Variants in PCDHGA4 observed in about 807,000 individuals in gnomAD.
PCDHGA4 encodes protocadherin gamma subfamily A, 4.
PCDHGA4 carries 38 observed loss-of-function variants against 54.6 expected under a neutral mutation model. The observed-to-expected ratio is 0.70, with a 90% CI of 0.54 to 0.91. The LOEUF (loss-of-function observed/expected upper bound fraction) is 0.91, where lower values mean the gene tolerates loss of function less well. PCDHGA4 is among the 40% of genes least tolerant of loss of function. The pLI is 0.00. For missense variants in PCDHGA4, 1,298 were observed against 1,220.9 expected, an observed-to-expected ratio of 1.06 and a Z score of -0.94; for synonymous variants, 511 against 512.9, an observed-to-expected ratio of 1.00 and a Z score of 0.05.
rs1257609378 is a variant in PCDHGA4 at position 141,385,552 on chromosome 5, T to TA, written c.2514+27931_2514+27932insA. Reference sequence around the variant, plus strand: ...ATTATGAATATGTGGACTATCACATTTTATAATTTCCACCTACTTTCCAAT... The same window carrying TA: ...ATTATGAATATGTGGACTATCACATTATTATAATTTCCACCTACTTTCCAAT... On this transcript the variant is annotated intron_variant, in intron 1 of 3. Transcript: ENST00000571252. 1.1e-5 allele frequency: 14 copies of TA among 1,315,750 alleles called. No individual in the cohort carries two copies. The African/African-American group carries it at 2.1e-4, about 20-fold the overall frequency. The allele number at this position is 1,315,750 out of a possible 1,614,324, so 81.5% of individuals were successfully genotyped here. A position where few individuals can be genotyped will look rare whatever the true frequency, so the allele number is the denominator to read the frequency against.
intron 1 of PCDHGA4, chr5:141,427,723 G>T: frequency 8.9e-7 from 1 of 1,127,490 alleles, no homozygotes; most frequent in East Asian, 2.4e-5. Flanking sequence ...CTGGACCTAG[G>T]GCTGAATGGC....
rs2099883782 is a variant in PCDHGA4 at position 141,511,420 on chromosome 5, G to C, written c.*247G>C. The C allele has an allele frequency of 1.2e-6, 1 of 830,744 alleles. No homozygotes were observed. The allele number at this position is 830,744 out of a possible 1,614,324, so 51.5% of individuals were successfully genotyped here. On this transcript the variant is annotated 3_prime_UTR_variant, in exon 4 of 4. Transcript: ENST00000571252. ...TCCAATCAACTGCTGTACCCATGGG[G>C]GTAGTGGGGTTACTGTAGACACCAA...
At chr5:141,398,747 AC>A in intron 1 of PCDHGA4, 1 of 1,613,496 alleles carries the variant, frequency 6.2e-7, no homozygotes, top group Middle Eastern at 1.6e-4. Context: ...CAACAGAGTT[AC>A]CATCGTTTAG....
chr5:141,362,699 T>C, intron 1 of PCDHGA4: 2 of 1,033,006 alleles, frequency 1.9e-6, no homozygotes, highest in Non-Finnish European at 2.7e-6. Flanking sequence ...TCTAACTGAA[T>C]TTTAAGTGTT....
intron 1 of PCDHGA4, chr5:141,398,251 C>G (rs753114593): frequency 6.8e-7 from 1 of 1,464,006 alleles, no homozygotes; most frequent in East Asian, 2.5e-5. Flanking sequence ...CGAGGAAATG[C>G]CCAAGGGCTC....
chr5:141,491,602 A>T lies in PCDHGA4; in HGVS notation c.2515-3205A>T. On this transcript the variant is annotated intron_variant, in intron 1 of 3. Transcript: ENST00000571252. The surrounding 1 kb of genome is among the most constrained non-coding windows in gnomAD (Gnocchi z 6.9). ...ACCGGCCTCGGACGGCAGTGACTTC[A>T]CTTTTCTAAGACCCCTCAGCGTTCA... is the stretch of plus-strand genomic sequence containing the variant. The T allele has an allele frequency of 6.2e-7, 1 of 1,613,838 alleles. No individual in the cohort carries two copies. Among genetic ancestry groups the T allele is most frequent in the Non-Finnish European group, 8.5e-7 (1 of 1,180,016 alleles).
rs767108870 is a variant in PCDHGA4 at position 141,485,169 on chromosome 5, C to T, written c.2515-9638C>T. On this transcript the variant is annotated intron_variant, in intron 1 of 3. Transcript: ENST00000571252. This position sits in a 1 kb window ranked among gnomAD's most constrained non-coding sequence, Gnocchi z 5.7. ...GAGCAAGTAGAGAATTAGCGGGCGG[C>T]AGCAATGCTCCGCAAGGTGAGAAGC... The T allele has an allele frequency of 6.2e-7, 1 of 1,608,524 alleles. No homozygotes were observed. Among genetic ancestry groups the T allele is most frequent in the South Asian group, 1.1e-5 (1 of 90,730 alleles).
chr5:141,498,725 A>AGT (rs2099785409), intron 2 of PCDHGA4, among the ~76,000 whole-genome samples: 1 of 152,150 alleles, frequency 6.6e-6, no homozygotes, highest in Non-Finnish European at 1.5e-5. Flanking sequence ...TGAGGTCAGG[A>AGT]GTTTGAGACC....
In PCDHGA4 at chr5:141,432,126, C is replaced by G. The variant is rs750150518; in HGVS notation, c.2515-62681C>G. 12 of 1,614,026 alleles carry G rather than the reference C, an allele frequency of 7.4e-6. No homozygotes were observed. Among genetic ancestry groups the G allele is most frequent in the South Asian group, 4.4e-5 (4 of 91,062 alleles). On this transcript the variant is annotated intron_variant, in intron 1 of 3. Transcript: ENST00000571252. The surrounding 1 kb of genome is among the most constrained non-coding windows in gnomAD (Gnocchi z 6.0). ...AACCCGCCGGTCTTCCCTCAGGCCT[C>G]CTATTCCGCTTATATCCCAGAGAAC...
At position 141,389,262 on chromosome 5, in the gene PCDHGA4, G is replaced by A. The variant is rs1017721134; in HGVS notation, c.2514+31641G>A. On this transcript the variant is annotated intron_variant, in intron 1 of 3. Coordinates refer to ENST00000571252, the MANE Select transcript of PCDHGA4 (RefSeq NM_018917.4). Reference sequence around the variant, plus strand: ...ACAGTCTTCCTATATAGTCCACGTGGCCGAGAACAACCCGCCTGGAGCCTC... The same window carrying A: ...ACAGTCTTCCTATATAGTCCACGTGACCGAGAACAACCCGCCTGGAGCCTC... 5 of 1,613,910 alleles carry A rather than the reference G, an allele frequency of 3.1e-6. No individual in the cohort carries two copies. The highest frequency in any genetic ancestry group is 1.3e-5 in the African/African-American group (1 of 74,940).
At chr5:141,382,318 T>C (rs1233432296) in intron 1 of PCDHGA4, among the ~76,000 whole-genome samples, 2 of 152,250 alleles carry the variant, frequency 1.3e-5, no homozygotes, top group Non-Finnish European at 2.9e-5. Context: ...TACACTGATG[T>C]AAATATTTTC....
At chr5:141,394,618 C>T (rs1439211567) in intron 1 of PCDHGA4, 2 of 1,613,396 alleles carry the variant, frequency 1.2e-6, no homozygotes, top group African/African-American at 1.3e-5. Context: ...GGCCAGAACG[C>T]CTGGCTGTCC....
At chr5:141,364,106 G>A (rs1763173743) in intron 1 of PCDHGA4, 1 of 439,014 alleles carries the variant, frequency 2.3e-6, no homozygotes, top group African/African-American at 2.0e-5. Context: ...GCAGTCACTG[G>A]TTAGGACTCT....
At chr5:141,494,365 C>A (rs193174055) in intron 1 of PCDHGA4, among the ~76,000 whole-genome samples, 20 of 152,290 alleles carry the variant, frequency 1.3e-4, no homozygotes, top group Non-Finnish European at 2.2e-4. Context: ...GCAGAGGATG[C>A]TTTGTTCCCA....
chr5:141,438,037 G>A (rs2097925203), intron 1 of PCDHGA4, among the ~76,000 whole-genome samples: 1 of 151,910 alleles, frequency 6.6e-6, no homozygotes, highest in African/African-American at 2.4e-5. Flanking sequence ...CACCATGCCC[G>A]ACCACTTTGA....
At chr5:141,426,153 T>C (rs928934950) in intron 1 of PCDHGA4, 12 of 154,130 alleles carry the variant, frequency 7.8e-5, no homozygotes, top group African/African-American at 2.6e-4. Flanking sequence ...CTCCTGCAAA[T>C]CTGATTCCAT....
intron 1 of PCDHGA4, chr5:141,366,664 G>C: frequency 6.2e-7 from 1 of 1,614,236 alleles, no homozygotes; most frequent in Non-Finnish European, 8.5e-7. Context: ...ACGCAGACAC[G>C]CTCCTTAGTG....
At chr5:141,415,122 C>T (rs552568826) in intron 1 of PCDHGA4, 34 of 1,613,668 alleles carry the variant, frequency 2.1e-5, no homozygotes, top group Admixed American at 6.7e-5. Flanking sequence ...TCGTAGTGGC[C>T]GTCCAGGACC....
At chr5:141,388,064 G>A in intron 1 of PCDHGA4, 1 of 1,376,092 alleles carries the variant, frequency 7.3e-7, no homozygotes, top group South Asian at 1.3e-5. Context: ...GCGTCCAGGA[G>A]TTACCGACTC....
Sources: allele counts gnomAD v4.1 joint callset (sites outside exome capture counted in the v4.1 genomes callset), GRCh38; gene constraint gnomAD v4.1.1; non-coding constraint Gnocchi (gnomAD v3.1); transcripts MANE v1.5; gene names NCBI Gene and HGNC (gene_info 2026-07-23, HGNC 2026-07-21).